Variants in CCDC141 observed in about 807,000 individuals in gnomAD.
CCDC141 encodes coiled-coil domain containing 141.
Under a neutral mutation model 181.0 loss-of-function variants are expected in CCDC141, and 168 were observed. The observed-to-expected ratio is 0.93, with a 90% CI of 0.82 to 1.05. CCDC141 has a LOEUF of 1.05. Among genes scored for constraint, CCDC141 ranks in the 50% least tolerant of loss-of-function variants. The probability of loss-of-function intolerance (pLI) is 0.00; values close to 1 mark genes in which losing one functional copy is unlikely to be tolerated. For missense variants in CCDC141, 1,902 were observed against 1,788.5 expected, an observed-to-expected ratio of 1.06 and a Z score of -1.14; for synonymous variants, 666 against 642.3, an observed-to-expected ratio of 1.04 and a Z score of -0.56.
chr2:178,917,285 T>G (rs569757697), intron 7 of CCDC141, among the ~76,000 whole-genome samples: 1 of 152,340 alleles, frequency 6.6e-6, no homozygotes, highest in Non-Finnish European at 1.5e-5. Flanking sequence ...TAACATCTAA[T>G]TAGTTCAATA....
intron 2 of CCDC141, among the ~76,000 whole-genome samples, chr2:178,988,265 A>G (rs1185670447): frequency 3.4e-5 from 5 of 145,806 alleles, no homozygotes; most frequent in Non-Finnish European, 7.4e-5. Context: ...TGGGAATTGA[A>G]CAGTGAGATC....
intron 17 of CCDC141, among the ~76,000 whole-genome samples, chr2:178,856,792 C>T (rs1487336283): frequency 6.6e-6 from 1 of 152,080 alleles, no homozygotes; most frequent in Non-Finnish European, 1.5e-5. Context: ...ACCATGTTGG[C>T]CAGACTGGTC....
At chr2:178,929,158 T>C (rs1251906213) in intron 6 of CCDC141, among the ~76,000 whole-genome samples, 1 of 152,196 alleles carries the variant, frequency 6.6e-6, no homozygotes, top group Non-Finnish European at 1.5e-5. Flanking sequence ...TTTTTTAAAT[T>C]AGATGAAACA....
At chr2:178,938,279 T>G (rs1689369873) in intron 6 of CCDC141, among the ~76,000 whole-genome samples, 1 of 152,150 alleles carries the variant, frequency 6.6e-6, no homozygotes, top group African/African-American at 2.4e-5. Flanking sequence ...GTCCCAGAGA[T>G]TCTAGTATGT....
At chr2:179,015,252 T>G (rs200378378) in intron 2 of CCDC141, among the ~76,000 whole-genome samples, 1 of 132,572 alleles carries the variant, frequency 7.5e-6, no homozygotes, top group African/African-American at 3.0e-5. Context: ...CTCATATATA[T>G]CTCATATATA....
chr2:178,870,010 C>T (rs886615083), intron 14 of CCDC141, among the ~76,000 whole-genome samples: 7 of 152,010 alleles, frequency 4.6e-5, no homozygotes, highest in Admixed American at 3.3e-4. Context: ...GGAGGGTGGA[C>T]CACCTGAAGG....
intron 17 of CCDC141, among the ~76,000 whole-genome samples, chr2:178,862,361 T>G (rs540620523): frequency 1.3e-5 from 2 of 152,340 alleles, no homozygotes; most frequent in East Asian, 3.9e-4. Context: ...TTGTGATCTG[T>G]AATATGAGCC....
intron 5 of CCDC141, among the ~76,000 whole-genome samples, chr2:178,949,657 G>C (rs1689870251): frequency 6.6e-6 from 1 of 152,126 alleles, no homozygotes; most frequent in African/African-American, 2.4e-5. Flanking sequence ...TACAATCAGG[G>C]GCTCCGTGAA....
chr2:178,856,368 CT>C lies in CCDC141; in HGVS notation c.2753del (p.Lys918ArgfsTer6). On this transcript the variant is annotated frameshift_variant, in exon 18 of 24. Coordinates refer to ENST00000443758, the MANE Select transcript of CCDC141 (RefSeq NM_173648.4). LOFTEE classifies it high-confidence loss of function. Reference protein sequence around the residue: ...ELKDSFKDIKKKFNNLKFNYT... With the variant: ...ELKDSFKDIKXKFNNLKFNYT... The stretch of plus-strand genomic sequence containing the variant: ...AATTAAACTTCAAATTATTGAATTT[CT>C]TTTTGATATCTTTGAATGAGTCTTT... 1 of 1,600,048 alleles carries C rather than the reference CT, an allele frequency of 6.2e-7. No homozygotes were observed. The highest frequency in any genetic ancestry group is 8.5e-7 in the Non-Finnish European group (1 of 1,170,364).
At chr2:178,822,812 C>A in the CCDC141 span, among the ~76,000 whole-genome samples, 1 of 152,114 alleles carries the variant, frequency 6.6e-6, no homozygotes, top group Non-Finnish European at 1.5e-5. Context: ...AAATTTAAAA[C>A]AAAAGTGAAG....
chr2:178,901,455 C>A (rs968567460), intron 8 of CCDC141, among the ~76,000 whole-genome samples: 8 of 152,030 alleles, frequency 5.3e-5, no homozygotes, highest in Middle Eastern at 6.8e-3. Context: ...GTTCAATATA[C>A]GCAAATCAAT....
At chr2:178,840,090 G>A (rs1212327160) in intron 22 of CCDC141, among the ~76,000 whole-genome samples, 2 of 152,164 alleles carry the variant, frequency 1.3e-5, no homozygotes, top group African/African-American at 4.8e-5. Context: ...TGGCCTCCTG[G>A]AGCTACACAA....
rs370244521 is a variant in CCDC141, at chr2:178,923,259, T to C, written c.898-4352A>G. Among the ~76,000 whole-genome samples the C allele has an allele frequency of 7.0e-3, 1,058 of 151,222 alleles. 11 individuals are homozygous for C. Among genetic ancestry groups the C allele is most frequent in the African/African-American group, 0.023 (963 of 41,188 alleles). On this transcript the variant is annotated intron_variant, in intron 6 of 23. Coordinates refer to ENST00000443758, the MANE Select transcript of CCDC141 (RefSeq NM_173648.4). ...AGCTGGGACTACAGGCGCCCGCCAC[T>C]ACGCCCGGCTAATTTTTTGTATTTT...
rs1220016661 is a variant in CCDC141 at position 178,944,663 on chromosome 2, GC to G, written c.781-13del. On this transcript the variant is annotated splice_polypyrimidine_tract_variant and intron_variant, in intron 5 of 23. Transcript: ENST00000443758. ...AACCAACAAGTAACCTAGGTAAAAG[GC>G]AACAAAGAAAGATCAAAATTCAAAT... 1 of 1,253,070 alleles carries G rather than the reference GC, an allele frequency of 8.0e-7. No individual in the cohort carries two copies. The highest frequency in any genetic ancestry group is 1.5e-5 in the South Asian group (1 of 68,178). 77.6% of individuals were successfully genotyped at this position (1,253,070 alleles called of 1,614,324 possible). A position where few individuals can be genotyped will look rare whatever the true frequency, so the allele number is the denominator to read the frequency against.
In CCDC141 at chr2:178,888,604, C is replaced by A. The variant is rs564239640; in HGVS notation, c.1330G>T (p.Glu444Ter). 19 of 1,550,686 alleles carry A rather than the reference C, an allele frequency of 1.2e-5. No individual in the cohort carries two copies. In the South Asian group the frequency reaches 2.3e-4, roughly 18 times the overall value. ...CIKRRVDHLT[E>*]QCSAHKEYAL... ...TATTCCTTGTGCGCTGAACACTGTTCGGTCAGATGATCCACTCGTCTCTTA... is the reference window on the plus strand; with the variant it reads ...TATTCCTTGTGCGCTGAACACTGTTAGGTCAGATGATCCACTCGTCTCTTA... Residue 444 changes from glutamate to a stop codon, truncating the protein, a stop_gained, in exon 9 of 24, where the codon GAA (glutamate) becomes TAA (stop). Transcript: ENST00000443758. LOFTEE classifies it high-confidence loss of function.
intron 8 of CCDC141, among the ~76,000 whole-genome samples, chr2:178,904,340 ACCCTGGGTTAAATAC>A (rs1362163721): frequency 3.3e-5 from 5 of 152,208 alleles, no homozygotes; most frequent in African/African-American, 1.2e-4. Flanking sequence ...AACATCACAA[ACCCTGGGTTAAATAC>A]CCCTGTCCAG....
downstream of CCDC141, among the ~76,000 whole-genome samples, chr2:178,827,019 AT>A (rs1482466497): frequency 6.6e-6 from 1 of 151,822 alleles, no homozygotes; most frequent in Admixed American, 6.6e-5. Flanking sequence ...TCTACACACT[AT>A]TTTTCTACAT....
chr2:178,937,930 G>A (rs561806496), intron 6 of CCDC141, among the ~76,000 whole-genome samples: 11 of 152,118 alleles, frequency 7.2e-5, no homozygotes, highest in African/African-American at 1.2e-4. Flanking sequence ...TTCTAATGAT[G>A]TTTATTTGGA....
intron 8 of CCDC141, among the ~76,000 whole-genome samples, chr2:178,897,471 A>G (rs1485049670): frequency 6.6e-6 from 1 of 152,034 alleles, no homozygotes; most frequent in Non-Finnish European, 1.5e-5. Context: ...ATGTCTCTGT[A>G]AAATATGAAA....
Sources: gnomAD v4.1 joint callset for allele counts (sites outside exome capture counted in the v4.1 genomes callset) on GRCh38, gnomAD v4.1.1 for gene constraint, MANE v1.5 for transcripts, NCBI Gene and HGNC (gene_info 2026-07-23, HGNC 2026-07-21) for gene names.